Variants in LPIN1 observed in about 807,000 individuals in gnomAD.
LPIN1 encodes the protein lipin 1.
LPIN1 carries 71 observed loss-of-function variants against 107.5 expected under a neutral mutation model. That is an observed-to-expected ratio of 0.66 (90% confidence interval 0.55 to 0.80). LPIN1 has a LOEUF of 0.80. Among genes scored for constraint, LPIN1 ranks in the 30% least tolerant of loss-of-function variants. The pLI is 0.00. For missense variants in LPIN1, 1,043 were observed against 1,160.6 expected (o/e 0.90, Z 1.47); for synonymous variants, 445 against 452.6 (o/e 0.98, Z 0.21).
At position 11,765,678 on chromosome 2, in the gene LPIN1, C is replaced by T. The variant is rs548598168; in HGVS notation, c.137C>T (p.Ser46Phe). ...IRQPNGNLQC[S>F]PFHVRFGKMG... Reference sequence around the variant, plus strand: ...CAGCCCAATGGAAACCTCCAATGCTCCCCTTTCCACGTCCGCTTTGGGAAG... The same window carrying T: ...CAGCCCAATGGAAACCTCCAATGCTTCCCTTTCCACGTCCGCTTTGGGAAG... The change falls in exon 2 of 21, where the codon TCC becomes TTC. Residue 46 changes from serine to phenylalanine, a missense_variant. Physicochemically the swap from Ser to Phe is radical, Grantham distance 155 (BLOSUM62 -2). Transcript: ENST00000674199. This position sits in a 1 kb window ranked among gnomAD's most constrained non-coding sequence, Gnocchi z 4.4. 6.2e-7 allele frequency: 1 copy of T among 1,613,894 alleles called. No individual in the cohort carries two copies. Among genetic ancestry groups the T allele is most frequent in the South Asian group, 1.1e-5 (1 of 91,054 alleles).
chr2:11,758,057 T>G (rs1453985598), intron 1 of LPIN1, among the ~76,000 whole-genome samples: 1 of 152,074 alleles, frequency 6.6e-6, no homozygotes, highest in Non-Finnish European at 1.5e-5. Context: ...TCATTTAGCC[T>G]ACTGTCCTCA....
In LPIN1 at chr2:11,809,593, T is replaced by C. The variant is rs187892503; in HGVS notation, c.2249+4437T>C. ...CACCACGCCCGGGTAATTTTGTATT[T>C]TTAGTAGAGATGGGGTTTCACCCTG... On this transcript the variant is annotated intron_variant, in intron 17 of 20. Coordinates refer to ENST00000674199, the MANE Select transcript of LPIN1 (RefSeq NM_001349206.2). Among the ~76,000 whole-genome samples, 305 of 152,276 alleles carry C rather than the reference T, an allele frequency of 2.0e-3. 1 individual carries two copies. The highest frequency in any genetic ancestry group is 3.9e-3 in the African/African-American group (164 of 41,564).
intron 7 of LPIN1, among the ~76,000 whole-genome samples, chr2:11,781,265 G>A (rs558679289): frequency 1.3e-5 from 2 of 152,304 alleles, no homozygotes; most frequent in South Asian, 2.1e-4. Flanking sequence ...AGAAAATGCT[G>A]ATTTACCTGT....
intron 1 of LPIN1, among the ~76,000 whole-genome samples, chr2:11,712,074 T>A (rs1182591696): frequency 6.6e-6 from 1 of 152,256 alleles, no homozygotes; most frequent in Non-Finnish European, 1.5e-5. Flanking sequence ...GAGGTCCTCC[T>A]GGGAGCACGC....
intron 1 of LPIN1, among the ~76,000 whole-genome samples, chr2:11,755,431 T>TA (rs1668524225): frequency 6.6e-6 from 1 of 152,140 alleles, no homozygotes; most frequent in Non-Finnish European, 1.5e-5. Flanking sequence ...ATGGGGCAGG[T>TA]ACCGCGTCAG....
Position 11,787,083 on chromosome 2 carries a change from T to C in LPIN1, c.1559T>C (p.Leu520Pro). The change falls in exon 11 of 21, where the codon CTG (leucine) becomes CCG (proline). Residue 520 changes from leucine to proline, a missense_variant. Physicochemically the swap from Leu to Pro is moderately conservative, Grantham distance 98. Transcript: ENST00000674199. The stretch of plus-strand genomic sequence containing the variant: ...GCAATTGCTGTCACAGATGCATTCC[T>C]GGAGCAAGCTGTGTCATATCAACAG... ...DHREITKDAF[L>P]EQAVSYQQFV... The C allele has an allele frequency of 6.2e-7, 1 of 1,613,246 alleles. No homozygotes were observed. Among genetic ancestry groups the C allele is most frequent in the Non-Finnish European group, 8.5e-7 (1 of 1,179,154 alleles).
At position 11,801,571 on chromosome 2, in the gene LPIN1, G is replaced by C. The variant is rs563707681; in HGVS notation, c.1887-1336G>C. ...AAAATATTGATTTCATGGAGGTAGA[G>C]AGTAGAATGGTGGTTACCAGAGCTG... On this transcript the variant is annotated intron_variant, in intron 14 of 20. Coordinates refer to ENST00000674199, the MANE Select transcript of LPIN1 (RefSeq NM_001349206.2). 7.2e-5 allele frequency among the ~76,000 whole-genome samples: 11 copies of C among 152,298 alleles called. No homozygotes were observed. In the South Asian group the frequency reaches 1.9e-3, roughly 26 times the overall value.
intron 13 of LPIN1, among the ~76,000 whole-genome samples, chr2:11,794,249 T>G (rs1025586050): frequency 6.6e-6 from 1 of 152,206 alleles, no homozygotes; most frequent in African/African-American, 2.4e-5. Context: ...TGTTCTAGAA[T>G]TTAAGATGGA....
Position 11,803,076 on chromosome 2 carries a change from AGGT to A in LPIN1, c.2013+44_2013+46del. 1 of 1,610,376 alleles carries A rather than the reference AGGT, an allele frequency of 6.2e-7. No individual in the cohort carries two copies. Among genetic ancestry groups the A allele is most frequent in the Non-Finnish European group, 8.5e-7 (1 of 1,179,798 alleles). On this transcript the variant is annotated intron_variant, in intron 15 of 20. Coordinates refer to ENST00000674199, the MANE Select transcript of LPIN1 (RefSeq NM_001349206.2). The surrounding 1 kb of genome is among the most constrained non-coding windows in gnomAD (Gnocchi z 4.2). Reference sequence around the variant, plus strand: ...GGCGCGGCTGTGTTGTGAGCACATGAGGTTTCTGCAGACTCCTAAGGCTGTGTG... The same window carrying A: ...GGCGCGGCTGTGTTGTGAGCACATGATTCTGCAGACTCCTAAGGCTGTGTG...
At chr2:11,740,529 C>G (rs1226066255) in intron 1 of LPIN1, among the ~76,000 whole-genome samples, 2 of 151,236 alleles carry the variant, frequency 1.3e-5, no homozygotes, top group African/African-American at 4.9e-5. Context: ...AAAAAAAATA[C>G]AAAAATTAGC....
At chr2:11,721,470 T>C (rs530846971), upstream of LPIN1, 1 of 152,270 alleles carries the variant, frequency 6.6e-6, no homozygotes, top group African/African-American at 2.4e-5. Flanking sequence ...CAGGGTCTCA[T>C]AGTAAGGGAC....
At chr2:11,785,201 A>T in intron 10 of LPIN1, 125 bp downstream of exon 10, 2 of 711,220 alleles carry the variant, frequency 2.8e-6, no homozygotes, top group Non-Finnish European at 4.5e-6. Context: ...GATAGCACAG[A>T]TGATAGCACC....
chr2:11,733,063 C>G (rs1306358140), intron 1 of LPIN1, among the ~76,000 whole-genome samples: 1 of 152,072 alleles, frequency 6.6e-6, no homozygotes, highest in African/African-American at 2.4e-5. Context: ...GGCTCTTCTA[C>G]CTTAACAATT....
At chr2:11,761,117 G>A (rs1214905662) in intron 1 of LPIN1, among the ~76,000 whole-genome samples, 2 of 152,180 alleles carry the variant, frequency 1.3e-5, no homozygotes, top group African/African-American at 2.4e-5. Flanking sequence ...ATGAGATAAC[G>A]TATATGAAAG....
intron 1 of LPIN1, among the ~76,000 whole-genome samples, chr2:11,729,738 T>TC (rs1282299374): frequency 6.6e-6 from 1 of 152,230 alleles, no homozygotes; most frequent in African/African-American, 2.4e-5. Context: ...ACCTTGTTCC[T>TC]CTATATAATT....
At chr2:11,709,898 C>T (rs1055492621) in intron 1 of LPIN1, among the ~76,000 whole-genome samples, 2 of 152,196 alleles carry the variant, frequency 1.3e-5, no homozygotes, top group Non-Finnish European at 2.9e-5. Flanking sequence ...TGAATTTGGA[C>T]GTAGGCTCCA....
chr2:11,790,931 G>A lies in LPIN1; in HGVS notation c.1714-983G>A, dbSNP rs73915569. Among the ~76,000 whole-genome samples, 588 of 152,250 alleles carry A rather than the reference G, an allele frequency of 3.9e-3. 3 individuals carry two copies. Among genetic ancestry groups the A allele is most frequent in the African/African-American group, 0.013 (536 of 41,556 alleles). Reference sequence around the variant, plus strand: ...TGAACATTAGAATCAGTTTGTGAAGGACTGAAAATACTCCTGTTTGTTTTT... The same window carrying A: ...TGAACATTAGAATCAGTTTGTGAAGAACTGAAAATACTCCTGTTTGTTTTT... On this transcript the variant is annotated intron_variant, in intron 12 of 20. Transcript: ENST00000674199.
chr2:11,694,448 C>T (rs7580386), intron 1 of LPIN1, among the ~76,000 whole-genome samples: 3 of 152,110 alleles, frequency 2.0e-5, no homozygotes, highest in Non-Finnish European at 4.4e-5. Flanking sequence ...TCCTCTGACC[C>T]CTCTGGCCAC....
exon 1 of LPIN1, chr2:11,724,379 G>C: frequency 1.0e-6 from 1 of 986,302 alleles, no homozygotes; most frequent in Non-Finnish European, 1.2e-6. Context: ...GAGAGGATGG[G>C]AGGCGAGGAG....
Sources: allele counts gnomAD v4.1 joint callset (sites outside exome capture counted in the v4.1 genomes callset), GRCh38; gene constraint gnomAD v4.1.1; non-coding constraint Gnocchi (gnomAD v3.1); transcripts MANE v1.5; gene names NCBI Gene and HGNC (gene_info 2026-07-23, HGNC 2026-07-21).